The following SLCO1B3 variants were observed in gnomAD, a reference collection of about 807,000 sequenced individuals.
The protein encoded by SLCO1B3 is liver-specific organic anion transporter 2.
Under a neutral mutation model 71.8 loss-of-function variants are expected in SLCO1B3, and 72 were observed. The observed-to-expected ratio is 1.00, with a 90% CI of 0.83 to 1.22. The LOEUF (loss-of-function observed/expected upper bound fraction) is 1.22, where lower values mean the gene tolerates loss of function less well. Among genes scored for constraint, SLCO1B3 ranks in the 50% most tolerant of loss-of-function variants. SLCO1B3 has a pLI of 0.00. For missense variants in SLCO1B3, 911 were observed against 819.7 expected (o/e 1.11, Z -1.36); for synonymous variants, 298 against 278.4 (o/e 1.07, Z -0.70).
chr12:20,909,936 A>G (rs1008366848), intron 15 of SLCO1B3, among the ~76,000 whole-genome samples: 4 of 152,210 alleles, frequency 2.6e-5, no homozygotes, highest in Admixed American at 2.6e-4. Context: ...AACCTGGAAT[A>G]TATGCCTGGA....
intron 15 of SLCO1B3, among the ~76,000 whole-genome samples, chr12:20,910,223 T>C (rs1019811835): frequency 1.3e-5 from 2 of 152,222 alleles, no homozygotes; most frequent in African/African-American, 4.8e-5. Flanking sequence ...ATTTTCTCCA[T>C]TGTAGTACCT....
At chr12:20,823,725 T>C (rs1413182926) in intron 3 of SLCO1B3, among the ~76,000 whole-genome samples, 1 of 152,246 alleles carries the variant, frequency 6.6e-6, no homozygotes. Context: ...CAAGGATTTA[T>C]CTGTGCCTGC....
At chr12:20,866,709 C>A (rs1288182747) in intron 8 of SLCO1B3, among the ~76,000 whole-genome samples, 3 of 138,188 alleles carry the variant, frequency 2.2e-5, no homozygotes, top group East Asian at 2.1e-4. Flanking sequence ...GGTTTTTAAT[C>A]CGATGAAAGT....
chr12:20,888,630 G>A (rs1447854141), intron 13 of SLCO1B3, among the ~76,000 whole-genome samples: 3 of 151,968 alleles, frequency 2.0e-5, no homozygotes, highest in Non-Finnish European at 4.4e-5. Context: ...TATATCATAA[G>A]TGAAGAGGAA....
intron 15 of SLCO1B3, among the ~76,000 whole-genome samples, chr12:20,913,494 T>A (rs991010930): frequency 6.6e-5 from 10 of 152,178 alleles, no homozygotes; most frequent in Non-Finnish European, 8.8e-5. Flanking sequence ...TATTGTTCTG[T>A]TTTGTAAAAG....
chr12:20,862,897 G>A (rs2121254905), intron 8 of SLCO1B3, 43 bp downstream of exon 8: 1 of 1,023,774 alleles, frequency 9.8e-7, no homozygotes, highest in Non-Finnish European at 1.5e-6. Context: ...TGTCTTTTAA[G>A]TGCAGGACAC....
chr12:20,899,579 G>A (rs1197095309), intron 14 of SLCO1B3, among the ~76,000 whole-genome samples: 1 of 152,160 alleles, frequency 6.6e-6, no homozygotes, highest in African/African-American at 2.4e-5. Context: ...ATGCTGCAGG[G>A]TTGCATTGCC....
At chr12:20,839,025 G>A (rs1275888161) in intron 3 of SLCO1B3, among the ~76,000 whole-genome samples, 1 of 151,754 alleles carries the variant, frequency 6.6e-6, no homozygotes, top group Non-Finnish European at 1.5e-5. Flanking sequence ...ACTATTTCAA[G>A]TTTACTTTCA....
In SLCO1B3 at chr12:20,916,276, T is replaced by TCATCTTA; in HGVS notation, c.*29_*30insCATCTTA. On this transcript the variant is annotated 3_prime_UTR_variant, in exon 16 of 16. Coordinates refer to ENST00000381545, the MANE Select transcript of SLCO1B3 (RefSeq NM_019844.4). ...TGCATTGATTCATTAAGATGTTATT[T>TCATCTTA]TTGAGGTGTTCCTGGTCTTTCACTG... The TCATCTTA allele has an allele frequency of 6.3e-7, 1 of 1,599,526 alleles. No individual in the cohort carries two copies. Among genetic ancestry groups the TCATCTTA allele is most frequent in the Non-Finnish European group, 8.5e-7 (1 of 1,171,576 alleles).
chr12:20,867,291 G>A (rs983959654), intron 8 of SLCO1B3, among the ~76,000 whole-genome samples: 6 of 152,122 alleles, frequency 3.9e-5, no homozygotes, highest in African/African-American at 7.2e-5. Context: ...CGTTGAAGTC[G>A]CCATCATTGT....
intron 2 of SLCO1B3, among the ~76,000 whole-genome samples, chr12:20,814,348 G>A (rs1036085868): frequency 1.4e-4 from 22 of 151,804 alleles, no homozygotes; most frequent in Non-Finnish European, 3.2e-4. Context: ...CTACAGATAT[G>A]ACCACACAGA....
intron 3 of SLCO1B3, among the ~76,000 whole-genome samples, chr12:20,820,789 A>G (rs1286498040): frequency 1.9e-5 from 2 of 108,000 alleles, no homozygotes; most frequent in Non-Finnish European, 4.1e-5. Context: ...CGAATGAGCC[A>G]TGAACTGGGC....
chr12:20,878,984 T>C (rs1278345570), intron 10 of SLCO1B3, among the ~76,000 whole-genome samples: 1 of 152,114 alleles, frequency 6.6e-6, no homozygotes, highest in Non-Finnish European at 1.5e-5. Flanking sequence ...GATGGTAGGA[T>C]AGAAATCTCA....
intron 13 of SLCO1B3, among the ~76,000 whole-genome samples, 161 bp from the exon 14 acceptor site, chr12:20,898,275 C>G (rs1311547467): frequency 1.3e-5 from 2 of 151,868 alleles, no homozygotes; most frequent in East Asian, 3.9e-4. Context: ...AGGTGTTTAC[C>G]TTTTAAAACA....
intron 3 of SLCO1B3, among the ~76,000 whole-genome samples, chr12:20,839,752 C>G (rs1267396712): frequency 6.6e-6 from 1 of 151,876 alleles, no homozygotes; most frequent in African/African-American, 2.4e-5. Flanking sequence ...AATATTTATT[C>G]TGTTTCATAT....
At chr12:20,868,590 C>T (rs2121272707) in intron 8 of SLCO1B3, among the ~76,000 whole-genome samples, 1 of 152,222 alleles carries the variant, frequency 6.6e-6, no homozygotes, top group East Asian at 1.9e-4. Flanking sequence ...TTGTAGGGAC[C>T]AGCCCCACAG....
intron 9 of SLCO1B3, among the ~76,000 whole-genome samples, chr12:20,876,377 A>G (rs775180994): frequency 6.6e-6 from 1 of 152,232 alleles, no homozygotes. Flanking sequence ...AACCTGAAGC[A>G]GTGCAACCAA....
chr12:20,916,179 G>A lies in SLCO1B3; in HGVS notation c.2041G>A (p.Val681Ile), dbSNP rs377270851. ...LEFLNNGEHF[V>I]PSAGTDSKTC... ...ATTCTTAAATAATGGTGAACATTTT[G>A]TACCTTCTGCTGGAACAGATAGTAA... The change falls in exon 16 of 16, where the codon GTA becomes ATA. Residue 681 changes from valine to isoleucine, a missense_variant. Coordinates refer to ENST00000381545, the MANE Select transcript of SLCO1B3 (RefSeq NM_019844.4). 234 of 1,611,724 alleles carry A rather than the reference G, an allele frequency of 1.5e-4. 1 individual carries two copies. The highest frequency in any genetic ancestry group is 1.9e-4 in the Non-Finnish European group (226 of 1,178,112).
At chr12:20,823,489 C>T (rs1415721628) in intron 3 of SLCO1B3, among the ~76,000 whole-genome samples, 2 of 152,114 alleles carry the variant, frequency 1.3e-5, no homozygotes, top group Admixed American at 1.3e-4. Context: ...CATAATTTTT[C>T]TCTCTTCAAT....
Sources: allele counts gnomAD v4.1 joint callset (sites outside exome capture counted in the v4.1 genomes callset), GRCh38; gene constraint gnomAD v4.1.1; transcripts MANE v1.5; gene names NCBI Gene and HGNC (gene_info 2026-07-23, HGNC 2026-07-21).